PELI1: variants seen among roughly 807,000 people sequenced by gnomAD.
PELI1 encodes the protein E3 ubiquitin-protein ligase pellino homolog 1.
A neutral mutation model predicts 41.3 loss-of-function variants in PELI1; 15 were observed. That is an observed-to-expected ratio of 0.36 (90% CI 0.24 to 0.56). The LOEUF (loss-of-function observed/expected upper bound fraction) is 0.56, where lower values mean the gene tolerates loss of function less well. Ranked by LOEUF, PELI1 falls within the 20% of genes least tolerant of loss-of-function variation. The pLI, the probability that PELI1 is intolerant of heterozygous loss-of-function variation, is 0.82. For synonymous variants in PELI1, 178 were observed against 180.1 expected, an observed-to-expected ratio of 0.99 and a Z score of 0.09; for missense variants, 403 against 525.5, an observed-to-expected ratio of 0.77 and a Z score of 2.28.
intron 3 of PELI1, among the ~76,000 whole-genome samples, chr2:64,100,893 AT>A (rs555473690): frequency 7.3e-5 from 11 of 151,672 alleles, no homozygotes; most frequent in Middle Eastern, 6.8e-3. Flanking sequence ...CGCCTGGCTA[AT>A]TTTTTTTGTA....
At chr2:64,139,143 T>C (rs955739416) in intron 1 of PELI1, among the ~76,000 whole-genome samples, 6 of 152,238 alleles carry the variant, frequency 3.9e-5, no homozygotes, top group Non-Finnish European at 1.5e-5. Context: ...TTTGAATAAA[T>C]GTCTTTTTAC....
chr2:64,131,608 G>A (rs1453614394), intron 1 of PELI1, among the ~76,000 whole-genome samples: 1 of 151,676 alleles, frequency 6.6e-6, no homozygotes, highest in Non-Finnish European at 1.5e-5. Flanking sequence ...GAGTGAAATA[G>A]TAATCTCTCT....
chr2:64,113,295 A>G (rs1680883616), intron 1 of PELI1, among the ~76,000 whole-genome samples: 1 of 131,466 alleles, frequency 7.6e-6, no homozygotes, highest in Non-Finnish European at 1.7e-5. Flanking sequence ...TGTCTCAAAA[A>G]AAAAGAAAAA....
chr2:64,140,810 A>AAAAAAAAAAAAAAAAAAAG (rs1558490182), intron 1 of PELI1, among the ~76,000 whole-genome samples: 1 of 147,122 alleles, frequency 6.8e-6, no homozygotes, highest in Non-Finnish European at 1.5e-5. Flanking sequence ...CAAACAAACA[A>AAAAAAAAAAAAAAAAAAAG]AAAAAAACCT....
intron 4 of PELI1, among the ~76,000 whole-genome samples, chr2:64,099,602 TA>T (rs1388850174): frequency 5.3e-5 from 8 of 152,226 alleles, no homozygotes; most frequent in Admixed American, 2.0e-4. Context: ...AAATTAAATA[TA>T]TTTCCAGGTC....
intron 1 of PELI1, among the ~76,000 whole-genome samples, chr2:64,137,131 C>T (rs962721422): frequency 2.0e-5 from 3 of 151,846 alleles, no homozygotes; most frequent in Non-Finnish European, 4.4e-5. Flanking sequence ...TTTTACAATC[C>T]ATATTTATTG....
chr2:64,123,084 C>G (rs142752618), intron 1 of PELI1, among the ~76,000 whole-genome samples: 318 of 152,294 alleles, frequency 2.1e-3, no homozygotes, highest in African/African-American at 7.2e-3. Flanking sequence ...ACAGAGCAGT[C>G]AGCCAATAAG....
chr2:64,143,309 A>T (rs1461543824), intron 1 of PELI1: 2 of 152,240 alleles, frequency 1.3e-5, no homozygotes, highest in African/African-American at 4.8e-5. Flanking sequence ...TGAACTACGT[A>T]ACAATTACCT....
Position 64,094,242 on chromosome 2 carries a change from T to C in PELI1, c.*460A>G, listed in dbSNP as rs1032001018. 1 of 155,828 alleles carries C rather than the reference T, an allele frequency of 6.4e-6. No individual in the cohort carries two copies. The highest frequency in any genetic ancestry group is 6.3e-5 in the Admixed American group (1 of 15,860). 9.7% of individuals were successfully genotyped at this position (155,828 alleles called of 1,614,324 possible). On this transcript the variant is annotated 3_prime_UTR_variant, in exon 7 of 7. Coordinates refer to ENST00000358912, the MANE Select transcript of PELI1 (RefSeq NM_020651.4). Reference sequence around the variant, plus strand: ...CAAGGGTGTGACACCATCGTTACCATGCTACTCTATCAAGAACATTCTAAG... The same window carrying C: ...CAAGGGTGTGACACCATCGTTACCACGCTACTCTATCAAGAACATTCTAAG...
chr2:64,094,036 GT>G lies in PELI1; in HGVS notation c.*665del, dbSNP rs1419659654. 6.6e-6 allele frequency: 1 copy of G among 152,612 alleles called. No homozygotes were observed. The highest frequency in any genetic ancestry group is 1.9e-4 in the East Asian group (1 of 5,198). 9.5% of individuals were successfully genotyped at this position (152,612 alleles called of 1,614,324 possible). A position where few individuals can be genotyped will look rare whatever the true frequency, so the allele number is the denominator to read the frequency against. On this transcript the variant is annotated 3_prime_UTR_variant, in exon 7 of 7. Transcript: ENST00000358912. The stretch of plus-strand genomic sequence containing the variant: ...AAAATCTTTCCTGATTATCTTCAAT[GT>G]TGTTAAAAACAAACACCTTTCACGC...
chr2:64,131,587 C>T (rs554686020), intron 1 of PELI1, among the ~76,000 whole-genome samples: 41 of 151,692 alleles, frequency 2.7e-4, no homozygotes, highest in South Asian at 2.3e-3. Flanking sequence ...GGATCCTAAC[C>T]GGCATGTAGA....
chr2:64,094,665 A>C lies in PELI1; in HGVS notation c.*37T>G. The stretch of plus-strand genomic sequence containing the variant: ...TTCGAAAACCCAACTCACTTAGCTT[A>C]TAAATTTATAATGTAGTCCTGCAAG... On this transcript the variant is annotated 3_prime_UTR_variant, in exon 7 of 7. Coordinates refer to ENST00000358912, the MANE Select transcript of PELI1 (RefSeq NM_020651.4). The C allele has an allele frequency of 1.3e-6, 2 of 1,503,518 alleles. No individual in the cohort carries two copies. The highest frequency in any genetic ancestry group is 1.8e-6 in the Non-Finnish European group (2 of 1,088,880). 93.1% of individuals were successfully genotyped at this position (1,503,518 alleles called of 1,614,324 possible).
At chr2:64,110,928 A>AATATATAT (rs113178570) in intron 1 of PELI1, among the ~76,000 whole-genome samples, 23,305 of 149,096 alleles carry the variant, frequency 0.16, 2,432 homozygotes, top group Non-Finnish European at 0.22. Flanking sequence ...TCCATTTCAA[A>AATATATAT]ATATATATAT....
At chr2:64,135,833 A>G (rs984063227) in intron 1 of PELI1, among the ~76,000 whole-genome samples, 2 of 152,252 alleles carry the variant, frequency 1.3e-5, no homozygotes, top group Admixed American at 6.5e-5. Context: ...TTGCAAAGCA[A>G]TAACTTCTCT....
At chr2:64,099,090 G>C (rs548085953) in intron 4 of PELI1, among the ~76,000 whole-genome samples, 4 of 151,100 alleles carry the variant, frequency 2.6e-5, no homozygotes, top group Admixed American at 6.6e-5. Flanking sequence ...ATCTACAAAA[G>C]ATAAGCGGTA....
At chr2:64,096,830 C>A (rs141465563) in intron 4 of PELI1, among the ~76,000 whole-genome samples, 1 of 152,156 alleles carries the variant, frequency 6.6e-6, no homozygotes. Context: ...TGAGAACTTA[C>A]AATAATATAC....
intron 1 of PELI1, among the ~76,000 whole-genome samples, chr2:64,131,905 G>C (rs1177871999): frequency 2.0e-5 from 3 of 152,192 alleles, no homozygotes; most frequent in Non-Finnish European, 4.4e-5. Context: ...ACAGGCATGA[G>C]CCACTGCACC....
At chr2:64,099,927 A>G in intron 4 of PELI1, among the ~76,000 whole-genome samples, 1 of 152,276 alleles carries the variant, frequency 6.6e-6, no homozygotes, top group East Asian at 1.9e-4. Flanking sequence ...CACATAGATA[A>G]TACAAATAGT....
rs1309171970 is a variant in PELI1, at chr2:64,092,867, G to T, written c.*1835C>A. On this transcript the variant is annotated 3_prime_UTR_variant, in exon 7 of 7. Coordinates refer to ENST00000358912, the MANE Select transcript of PELI1 (RefSeq NM_020651.4). Reference sequence around the variant, plus strand: ...AGAGACGAATTCAATTATGTATTTTGAAAAGTATTTACTTAGTTTAAATAA... The same window carrying T: ...AGAGACGAATTCAATTATGTATTTTTAAAAGTATTTACTTAGTTTAAATAA... The T allele has an allele frequency of 6.6e-6, 1 of 152,120 alleles. No homozygotes were observed. Among genetic ancestry groups the T allele is most frequent in the East Asian group, 1.9e-4 (1 of 5,208 alleles). 9.4% of individuals were successfully genotyped at this position (152,120 alleles called of 1,614,324 possible). A position where few individuals can be genotyped will look rare whatever the true frequency, so the allele number is the denominator to read the frequency against.
Sources: gnomAD v4.1 joint callset for allele counts (sites outside exome capture counted in the v4.1 genomes callset) on GRCh38, gnomAD v4.1.1 for gene constraint, MANE v1.5 for transcripts, NCBI Gene and HGNC (gene_info 2026-07-23, HGNC 2026-07-21) for gene names.